The following ZNF790 variants were observed in gnomAD, a reference collection of about 807,000 sequenced individuals.
ZNF790 encodes the protein zinc finger protein 790.
Under a neutral mutation model 12.1 loss-of-function variants are expected in ZNF790, and 8 were observed. The observed-to-expected ratio is 0.66, with a 90% confidence interval of 0.39 to 1.19. The LOEUF is 1.19. Among genes scored for constraint, ZNF790 ranks in the 50% most tolerant of loss-of-function variants. The pLI, the probability that ZNF790 is intolerant of heterozygous loss-of-function variation, is 0.01. For synonymous variants in ZNF790, 252 were observed against 244.3 expected, an observed-to-expected ratio of 1.03 and a Z score of -0.29; for missense variants, 707 against 752.2, an observed-to-expected ratio of 0.94 and a Z score of 0.70.
chr19:36,819,597 G>A lies in ZNF790; in HGVS notation c.747C>T (p.Thr249=), dbSNP rs753025920. The change falls in exon 5 of 5, where the codon ACC becomes ACT. Residue 249 remains threonine (T), a synonymous_variant. Coordinates refer to ENST00000356725, the MANE Select transcript of ZNF790 (RefSeq NM_206894.4). The stretch of plus-strand genomic sequence containing the variant: ...CCTTACATTTAAAAGGTTTCTCACC[G>A]GTATGAATTCTCTTATGACCAGTAA... ...SSLTGHKRIH[T]GEKPFKCKDC... is the part of the protein sequence containing the mutation. 15 of 1,608,298 alleles carry A rather than the reference G, an allele frequency of 9.3e-6. No homozygotes were observed. Among genetic ancestry groups the A allele is most frequent in the South Asian group, 3.3e-5 (3 of 90,662 alleles).
chr19:36,839,015 A>G (rs933003781), upstream of ZNF790, among the ~76,000 whole-genome samples: 1 of 152,240 alleles, frequency 6.6e-6, no homozygotes, highest in African/African-American at 2.4e-5. Flanking sequence ...CTGGGAATCC[A>G]TGAGAACTCT....
chr19:36,824,741 C>G (rs1004112577), intron 2 of ZNF790, among the ~76,000 whole-genome samples: 1 of 148,974 alleles, frequency 6.7e-6, no homozygotes, highest in African/African-American at 2.5e-5. Context: ...GAACTAGCCC[C>G]AGATTTATTA....
chr19:36,821,004 C>A (rs899095017), intron 4 of ZNF790, among the ~76,000 whole-genome samples: 1 of 146,952 alleles, frequency 6.8e-6, no homozygotes, highest in African/African-American at 2.5e-5. Flanking sequence ...CCCATTAACT[C>A]GTCATTTAGC....
rs1046985649 is a variant in ZNF790 at position 36,843,935 on chromosome 19, A to G, written c.-74+6067T>C. ...AGGCAGGAGAGTTGCTTGAACCCAG[A>G]GGTGGAGGGTGCAGTGAGCCGAGAT... On this transcript the variant is annotated intron_variant, in intron 1 of 4. Coordinates refer to the ZNF790 transcript ENST00000528994. 5.4e-5 allele frequency among the ~76,000 whole-genome samples: 8 copies of G among 147,380 alleles called. No homozygotes were observed. In the East Asian group the frequency reaches 1.5e-3, roughly 27 times the overall value.
At chr19:36,832,502 A>C (rs2071962153) in intron 1 of ZNF790, among the ~76,000 whole-genome samples, 1 of 152,138 alleles carries the variant, frequency 6.6e-6, no homozygotes, top group South Asian at 2.1e-4. Context: ...ACACTTAAGA[A>C]ACCCCATGGA....
chr19:36,824,869 GT>G (rs1262130058), intron 2 of ZNF790, among the ~76,000 whole-genome samples: 1 of 152,172 alleles, frequency 6.6e-6, no homozygotes, highest in Non-Finnish European at 1.5e-5. Context: ...ACTACTTTTA[GT>G]TGAATTATCT....
At chr19:36,830,083 G>A (rs991187881) in intron 1 of ZNF790, among the ~76,000 whole-genome samples, 6 of 152,124 alleles carry the variant, frequency 3.9e-5, no homozygotes, top group African/African-American at 1.2e-4. Context: ...CCAGTACAAT[G>A]TTAAACAGAA....
At position 36,848,908 on chromosome 19, in the gene ZNF790, G is replaced by A. The variant is rs568994232; in HGVS notation, c.-74+1094C>T. Among the ~76,000 whole-genome samples the A allele has an allele frequency of 3.2e-4, 48 of 152,110 alleles. 1 individual carries two copies. The East Asian group carries it at 8.9e-3, about 28-fold the overall frequency. ...TGCCGGGTTCAAGCCATTCTCCTGC[G>A]TCAGCCTCCAAAGTAGCTGGGATTA... On this transcript the variant is annotated intron_variant, in intron 1 of 4. Coordinates refer to the ZNF790 transcript ENST00000528994.
chr19:36,847,126 C>A (rs2072187384), intron 1 of ZNF790, among the ~76,000 whole-genome samples: 1 of 152,126 alleles, frequency 6.6e-6, no homozygotes, highest in Non-Finnish European at 1.5e-5. Flanking sequence ...GAGGCCAAGG[C>A]AGGCAGATCA....
chr19:36,843,643 C>G (rs1284561650), intron 1 of ZNF790, among the ~76,000 whole-genome samples: 1 of 152,144 alleles, frequency 6.6e-6, no homozygotes, highest in Non-Finnish European at 1.5e-5. Context: ...TTTTTATACA[C>G]CAGTCCAGAA....
chr19:36,819,820 A>G lies in ZNF790; in HGVS notation c.524T>C (p.Leu175Pro). 6.2e-7 allele frequency: 1 copy of G among 1,613,496 alleles called. No individual in the cohort carries two copies. The highest frequency in any genetic ancestry group is 8.5e-7 in the Non-Finnish European group (1 of 1,179,640). Residue 175 changes from leucine to proline, a missense_variant, in exon 5 of 5, where the codon CTG becomes CCG. Leu to Pro is a moderately conservative substitution (Grantham distance 98, BLOSUM62 -3). Transcript: ENST00000356725. ...TGAACCAGAAATAAAGGCTTTCCCC[A>G]GTTCTTTAAATTCATTCAGTTTGTC... ...TGDKLNEFKELGKAFISGSDH... is the reference protein window; with the variant it reads ...TGDKLNEFKEPGKAFISGSDH...
chr19:36,832,215 A>G (rs1455048366), intron 1 of ZNF790, among the ~76,000 whole-genome samples: 1 of 152,218 alleles, frequency 6.6e-6, no homozygotes, highest in Non-Finnish European at 1.5e-5. Context: ...GCAAAAGAAT[A>G]GTAGTGATGC....
chr19:36,830,873 C>T (rs1349890515), intron 1 of ZNF790, among the ~76,000 whole-genome samples: 2 of 152,206 alleles, frequency 1.3e-5, no homozygotes, highest in African/African-American at 4.8e-5. Flanking sequence ...GGTGCAGTGG[C>T]TCACGCCTGT....
intron 3 of ZNF790, 27 bp from the exon 4 acceptor site, chr19:36,823,407 G>T: frequency 6.2e-7 from 1 of 1,600,918 alleles, no homozygotes. Context: ...AAACAGCAAA[G>T]AACCACATTG....
chr19:36,830,080 A>G (rs2071917058), intron 1 of ZNF790, among the ~76,000 whole-genome samples: 1 of 152,158 alleles, frequency 6.6e-6, no homozygotes, highest in Non-Finnish European at 1.5e-5. Flanking sequence ...TTGCCAGTAC[A>G]ATGTTAAACA....
rs1262945679 is a variant in ZNF790 at position 36,820,069 on chromosome 19, C to A, written c.275G>T (p.Gly92Val). The change falls in exon 5 of 5, where the codon GGC (glycine) becomes GTC (valine). Residue 92 changes from glycine (G) to valine (V), a missense_variant. Transcript: ENST00000356725. ...TTGGGCTATTTCTCTCTCAAAAATG[C>A]CATTTTTTGGTAATAACTTCTTGGT... The part of the protein sequence containing the change: ...CQTKKLLPKN[G>V]IFEREIAQLE... 1 of 1,609,366 alleles carries A rather than the reference C, an allele frequency of 6.2e-7. No homozygotes were observed. Among genetic ancestry groups the A allele is most frequent in the Non-Finnish European group, 8.5e-7 (1 of 1,179,832 alleles).
chr19:36,837,536 A>G (rs906425814), intron 1 of ZNF790: 2 of 152,174 alleles, frequency 1.3e-5, no homozygotes, highest in African/African-American at 4.8e-5. Context: ...GACCTCTACC[A>G]AACACAGGGT....
At position 36,820,095 on chromosome 19, in the gene ZNF790, C is replaced by T; in HGVS notation, c.249G>A (p.Gln83=). 6.2e-7 allele frequency: 1 copy of T among 1,604,292 alleles called. No individual in the cohort carries two copies. Among genetic ancestry groups the T allele is most frequent in the Non-Finnish European group, 8.5e-7 (1 of 1,179,186 alleles). Residue 83 remains glutamine (Q), a synonymous_variant, in exon 5 of 5, where the codon CAG becomes CAA. Coordinates refer to ENST00000356725, the MANE Select transcript of ZNF790 (RefSeq NM_206894.4). ...GPCPDMQSRC[Q]TKKLLPKNGI... is the part of the protein sequence containing the mutation. The stretch of plus-strand genomic sequence containing the variant: ...CATTTTTTGGTAATAACTTCTTGGT[C>T]TGACACCTCGACTGCATGTCTGAAA...
intron 1 of ZNF790, among the ~76,000 whole-genome samples, chr19:36,832,523 T>C (rs1260133205): frequency 6.6e-6 from 1 of 152,092 alleles, no homozygotes; most frequent in African/African-American, 2.4e-5. Context: ...GAGGTCTACA[T>C]GGTGAGAAAC....
Sources: allele counts gnomAD v4.1 joint callset (sites outside exome capture counted in the v4.1 genomes callset), GRCh38; gene constraint gnomAD v4.1.1; transcripts MANE v1.5; gene names NCBI Gene and HGNC (gene_info 2026-07-23, HGNC 2026-07-21).